Variants in SIPA1L2 observed in about 807,000 individuals in gnomAD.
The protein encoded by SIPA1L2 is signal-induced proliferation-associated 1-like protein 2.
SIPA1L2 carries 56 observed loss-of-function variants against 163.9 expected under a neutral mutation model. The observed-to-expected ratio is 0.34, with a 90% CI of 0.28 to 0.43. The LOEUF is 0.43. Among genes scored for constraint, SIPA1L2 ranks in the 20% least tolerant of loss-of-function variants. The probability of loss-of-function intolerance (pLI) is 1.00; values close to 1 mark genes in which losing one functional copy is unlikely to be tolerated. For missense variants in SIPA1L2, 1,974 were observed against 2,193.5 expected, an observed-to-expected ratio of 0.90 and a Z score of 2.00; for synonymous variants, 877 against 865.7, an observed-to-expected ratio of 1.01 and a Z score of -0.23.
At chr1:232,423,409 C>T (rs1661694104) in intron 18 of SIPA1L2, among the ~76,000 whole-genome samples, 1 of 152,166 alleles carries the variant, frequency 6.6e-6, no homozygotes, top group African/African-American at 2.4e-5. Flanking sequence ...CTTAAACTTT[C>T]CATGGACAGG....
At chr1:232,572,086 G>A (rs929108235) in intron 2 of SIPA1L2, among the ~76,000 whole-genome samples, 3 of 152,142 alleles carry the variant, frequency 2.0e-5, no homozygotes, top group East Asian at 1.9e-4. Context: ...CTAGGTACAC[G>A]TCTGTATACA....
chr1:232,538,271 C>G (rs1418030154), intron 2 of SIPA1L2, among the ~76,000 whole-genome samples: 1 of 152,186 alleles, frequency 6.6e-6, no homozygotes, highest in Non-Finnish European at 1.5e-5. Flanking sequence ...CAGAATCACT[C>G]AGGCATGTCA....
chr1:232,515,383 G>A lies in SIPA1L2; in HGVS notation c.-44C>T. On this transcript the variant is annotated 5_prime_UTR_variant, in exon 3 of 23. Transcript: ENST00000674635. ...TCCAAGTCTCACCAGGAAGACTGAT[G>A]TAAATCTAATTACATTGCTACCGAC... The A allele has an allele frequency of 6.6e-7, 1 of 1,520,080 alleles. No individual in the cohort carries two copies. 94.2% of individuals were successfully genotyped at this position (1,520,080 alleles called of 1,614,324 possible).
rs1664815766 is a variant in SIPA1L2, at chr1:232,471,826, T to C, written c.2086-298A>G. On this transcript the variant is annotated intron_variant, in intron 7 of 22. Coordinates refer to ENST00000674635, the MANE Select transcript of SIPA1L2 (RefSeq NM_020808.5). The stretch of plus-strand genomic sequence containing the variant: ...TTAAACCCCTAAAATAATAGCATGT[T>C]AGAGCTCACAACACTTTGAGAAATG... Among the ~76,000 whole-genome samples, 3 of 152,356 alleles carry C rather than the reference T, an allele frequency of 2.0e-5. No individual in the cohort carries two copies. In the South Asian group the frequency reaches 6.2e-4, roughly 32 times the overall value.
chr1:232,619,988 G>A (rs1395046949), intron 1 of SIPA1L2, among the ~76,000 whole-genome samples: 2 of 152,084 alleles, frequency 1.3e-5, no homozygotes, highest in African/African-American at 2.4e-5. Context: ...GAGTTCAAGC[G>A]TTTCTCCCGC....
At chr1:232,447,236 CT>C (rs1286638719) in intron 10 of SIPA1L2, among the ~76,000 whole-genome samples, 7 of 152,096 alleles carry the variant, frequency 4.6e-5, no homozygotes, top group Admixed American at 4.6e-4. Context: ...TCACCTGTTT[CT>C]TTTTACTCCT....
At chr1:232,550,624 C>T (rs115896207) in intron 2 of SIPA1L2, among the ~76,000 whole-genome samples, 2,980 of 152,314 alleles carry the variant, frequency 0.02, 76 homozygotes, top group African/African-American at 0.068. Flanking sequence ...TTAGCAGCAG[C>T]AGCAGTAGCA....
intron 19 of SIPA1L2, among the ~76,000 whole-genome samples, chr1:232,410,111 T>C (rs577313445): frequency 1.3e-5 from 2 of 152,274 alleles, no homozygotes; most frequent in South Asian, 2.1e-4. Flanking sequence ...GATTCCAGTA[T>C]AAAAATTAAA....
At chr1:232,459,589 T>G (rs766719595) in intron 10 of SIPA1L2, among the ~76,000 whole-genome samples, 23 of 152,152 alleles carry the variant, frequency 1.5e-4, no homozygotes, top group Non-Finnish European at 2.6e-4. Context: ...CTCAGCTCAG[T>G]GCAGCCTCGA....
chr1:232,412,521 C>T (rs898211140), intron 19 of SIPA1L2, among the ~76,000 whole-genome samples: 1 of 152,202 alleles, frequency 6.6e-6, no homozygotes, highest in Non-Finnish European at 1.5e-5. Flanking sequence ...AGAACTGGTA[C>T]AAAAAGATAA....
chr1:232,548,227 A>G (rs1256316449), intron 2 of SIPA1L2, among the ~76,000 whole-genome samples: 1 of 152,212 alleles, frequency 6.6e-6, no homozygotes, highest in Non-Finnish European at 1.5e-5. Context: ...GTTCTAATGG[A>G]TTCTATAAAG....
At chr1:232,550,402 A>G (rs903532120) in intron 2 of SIPA1L2, among the ~76,000 whole-genome samples, 5 of 152,256 alleles carry the variant, frequency 3.3e-5, no homozygotes, top group African/African-American at 1.2e-4. Flanking sequence ...CAATACAAGG[A>G]TAGCTTAAAC....
At position 232,465,451 on chromosome 1, in the gene SIPA1L2, G is replaced by C. The variant is rs374616161; in HGVS notation, c.2244-35C>G. ...TAAAAACAGAAACAAAATGAGATGA[G>C]CTATGATACCATAATATGTATCTTT... On this transcript the variant is annotated intron_variant, in intron 8 of 22. Transcript: ENST00000674635. This position sits in a 1 kb window ranked among gnomAD's most constrained non-coding sequence, Gnocchi z 4.1. 1 of 1,549,508 alleles carries C rather than the reference G, an allele frequency of 6.5e-7. No individual in the cohort carries two copies. Among genetic ancestry groups the C allele is most frequent in the East Asian group, 2.3e-5 (1 of 44,420 alleles).
chr1:232,458,103 C>G (rs970585684), intron 10 of SIPA1L2, among the ~76,000 whole-genome samples: 7 of 151,968 alleles, frequency 4.6e-5, no homozygotes, highest in African/African-American at 1.7e-4. Flanking sequence ...TGCTACTAGG[C>G]AAATAGCTAA....
At chr1:232,416,821 G>C (rs1661292196) in intron 18 of SIPA1L2, among the ~76,000 whole-genome samples, 2 of 152,136 alleles carry the variant, frequency 1.3e-5, no homozygotes, top group Non-Finnish European at 2.9e-5. Flanking sequence ...ATTCAATGTT[G>C]GGTGGTTTTC....
intron 2 of SIPA1L2, among the ~76,000 whole-genome samples, chr1:232,567,790 G>T (rs1031059605): frequency 1.3e-5 from 2 of 152,336 alleles, no homozygotes; most frequent in African/African-American, 4.8e-5. Context: ...GGATGGGGCT[G>T]GTCAACTGAA....
chr1:232,578,852 T>G (rs1471179946), intron 1 of SIPA1L2, among the ~76,000 whole-genome samples: 1 of 152,230 alleles, frequency 6.6e-6, no homozygotes, highest in Non-Finnish European at 1.5e-5. Context: ...TGCAGAGTTT[T>G]ACTTCATTTC....
rs958892672 is a variant in SIPA1L2, at chr1:232,592,979, G to A, written c.-318-18757C>T. On this transcript the variant is annotated intron_variant, in intron 1 of 22. Coordinates refer to ENST00000674635, the MANE Select transcript of SIPA1L2 (RefSeq NM_020808.5). The stretch of plus-strand genomic sequence containing the variant: ...TCAGGAAATTCTCGGTTTTAATAGT[G>A]GTGCAGGTGCTGGACACATTCAGGT... Among the ~76,000 whole-genome samples, 7 of 152,220 alleles carry A rather than the reference G, an allele frequency of 4.6e-5. No individual in the cohort carries two copies. In the East Asian group the frequency reaches 1.4e-3, roughly 29 times the overall value.
At chr1:232,550,159 A>G (rs1245118710) in intron 2 of SIPA1L2, among the ~76,000 whole-genome samples, 1 of 152,232 alleles carries the variant, frequency 6.6e-6, no homozygotes, top group East Asian at 1.9e-4. Flanking sequence ...TCATTAGTTT[A>G]CCAAATGGCA....
Sources: gnomAD v4.1 joint callset for allele counts (sites outside exome capture counted in the v4.1 genomes callset) on GRCh38, gnomAD v4.1.1 for gene constraint, Gnocchi (gnomAD v3.1) non-coding constraint, MANE v1.5 for transcripts, NCBI Gene and HGNC (gene_info 2026-07-23, HGNC 2026-07-21) for gene names.